Variants in SMAD3 observed in about 807,000 individuals in gnomAD.
SMAD3 encodes MAD homolog 3.
Under a neutral mutation model 51.8 loss-of-function variants are expected in SMAD3, and 12 were observed. The observed-to-expected ratio is 0.23, with a 90% CI of 0.15 to 0.38. The LOEUF is 0.38. SMAD3 is among the 10% of genes least tolerant of loss of function. The probability of loss-of-function intolerance (pLI) is 1.00; values close to 1 mark genes in which losing one functional copy is unlikely to be tolerated. For synonymous variants in SMAD3, 238 were observed against 227.7 expected, an observed-to-expected ratio of 1.05 and a Z score of -0.41; for missense variants, 294 against 565.6, an observed-to-expected ratio of 0.52 and a Z score of 4.87.
At chr15:67,168,617 G>A (rs886949178) in intron 4 of SMAD3, among the ~76,000 whole-genome samples, 1 of 152,210 alleles carries the variant, frequency 6.6e-6, no homozygotes, top group South Asian at 2.1e-4. Context: ...GGAAAGAGCA[G>A]CCCAGATTTC....
chr15:67,138,224 T>A, intron 1 of SMAD3: 1 of 744,714 alleles, frequency 1.3e-6, no homozygotes, highest in Non-Finnish European at 2.3e-6. Context: ...TGGGTGGGGA[T>A]GTGGACTCTT....
Position 67,181,315 on chromosome 15 carries a change from G to A in SMAD3, c.733G>A (p.Gly245Arg), listed in dbSNP as rs863223737. Residue 245 changes from glycine (G) to arginine (R), a missense_variant, in exon 6 of 9, where the codon GGG (glycine) becomes AGG (arginine). Coordinates refer to ENST00000327367, the MANE Select transcript of SMAD3 (RefSeq NM_005902.4). ...ISYYELNQRV[G>R]ETFHASQPSM... is the part of the protein sequence containing the mutation. ...CTACTACGAGCTGAACCAGCGCGTCGGGGAGACATTCCACGCCTCGCAGCC... is the reference window on the plus strand; with the variant it reads ...CTACTACGAGCTGAACCAGCGCGTCAGGGAGACATTCCACGCCTCGCAGCC... 6.2e-7 allele frequency: 1 copy of A among 1,614,046 alleles called. No individual in the cohort carries two copies. The highest frequency in any genetic ancestry group is 8.5e-7 in the Non-Finnish European group (1 of 1,180,040).
intron 1 of SMAD3, among the ~76,000 whole-genome samples, chr15:67,158,999 A>T (rs1413974764): frequency 1.3e-5 from 2 of 152,148 alleles, no homozygotes; most frequent in Non-Finnish European, 2.9e-5. Flanking sequence ...TTTTTAAAAA[A>T]ATTGGATTGT....
rs79827660 is a variant in SMAD3 at position 67,190,771 on chromosome 15, G to A, written c.*235G>A. 1 of 581,716 alleles carries A rather than the reference G, an allele frequency of 1.7e-6. No homozygotes were observed. The highest frequency in any genetic ancestry group is 2.9e-5 in the East Asian group (1 of 34,900). The allele number at this position is 581,716 out of a possible 1,614,324, so 36.0% of individuals were successfully genotyped here. A position where few individuals can be genotyped will look rare whatever the true frequency, so the allele number is the denominator to read the frequency against. On this transcript the variant is annotated 3_prime_UTR_variant, in exon 9 of 9. Coordinates refer to ENST00000327367, the MANE Select transcript of SMAD3 (RefSeq NM_005902.4). ...CCTTTGGCCCCACTTTGAAGGGCAA[G>A]AAATGGCGTCTGCTCTGGTGGCTTA... is the stretch of plus-strand genomic sequence containing the variant.
rs11333560 is a variant in SMAD3 at position 67,169,622 on chromosome 15, A to AT, written c.608-913dup. Among the ~76,000 whole-genome samples the AT allele has an allele frequency of 3.0e-3, 383 of 127,918 alleles. 5 individuals carry two copies. The highest frequency in any genetic ancestry group is 4.8e-3 in the African/African-American group (160 of 33,526). The allele number at this position is 127,918 out of a possible 152,430, so 83.9% of individuals were successfully genotyped here. A position where few individuals can be genotyped will look rare whatever the true frequency, so the allele number is the denominator to read the frequency against. On this transcript the variant is annotated intron_variant, in intron 4 of 8. Coordinates refer to ENST00000327367, the MANE Select transcript of SMAD3 (RefSeq NM_005902.4). ...CCTCAGCCTTCACCACTTACGGCTT[A>AT]TTTTTTTTTTTTTTTTTTTCTGTAG...
At chr15:67,142,712 A>G (rs1013261266) in intron 1 of SMAD3, 2 of 327,858 alleles carry the variant, frequency 6.1e-6, no homozygotes, top group South Asian at 4.5e-5. Flanking sequence ...TGGCATCTTA[A>G]GACATTCAAA....
At chr15:67,180,116 T>C (rs566938504) in intron 5 of SMAD3, among the ~76,000 whole-genome samples, 1 of 152,264 alleles carries the variant, frequency 6.6e-6, no homozygotes, top group African/African-American at 2.4e-5. Context: ...CAGAGTGTCG[T>C]AGGCTAAGGG....
At chr15:67,096,259 T>A (rs1056518437) in intron 1 of SMAD3, among the ~76,000 whole-genome samples, 1 of 152,230 alleles carries the variant, frequency 6.6e-6, no homozygotes, top group Non-Finnish European at 1.5e-5. Context: ...CTTTCAGATC[T>A]TCCTTACTCC....
At chr15:67,094,207 G>GC (rs1451469901) in intron 1 of SMAD3, among the ~76,000 whole-genome samples, 1 of 152,180 alleles carries the variant, frequency 6.6e-6, no homozygotes, top group Non-Finnish European at 1.5e-5. Flanking sequence ...AGAAGATGTG[G>GC]CCATCCACCA....
At chr15:67,080,820 T>C (rs540837844) in intron 1 of SMAD3, among the ~76,000 whole-genome samples, 2 of 152,290 alleles carry the variant, frequency 1.3e-5, no homozygotes, top group South Asian at 2.1e-4. Context: ...GCAGAGAACA[T>C]GTAAGGGCTG....
chr15:67,097,036 C>A (rs761985174), intron 1 of SMAD3, among the ~76,000 whole-genome samples: 6 of 152,094 alleles, frequency 3.9e-5, no homozygotes, highest in Admixed American at 1.3e-4. Flanking sequence ...GAGAGAGAGG[C>A]CCTAGTTTGA....
At chr15:67,168,114 C>G (rs1445548740) in intron 4 of SMAD3, among the ~76,000 whole-genome samples, 2 of 152,196 alleles carry the variant, frequency 1.3e-5, no homozygotes, top group East Asian at 3.8e-4. Flanking sequence ...AGCACCACGC[C>G]CGGCTCATTT....
intron 1 of SMAD3, among the ~76,000 whole-genome samples, chr15:67,079,382 CAGAGACCTT>C (rs1566961041): frequency 1.3e-5 from 2 of 152,212 alleles, no homozygotes; most frequent in Non-Finnish European, 2.9e-5. Flanking sequence ...CAGATTTCCA[CAGAGACCTT>C]AGAGACAATC....
chr15:67,080,616 T>C (rs953841465), intron 1 of SMAD3, among the ~76,000 whole-genome samples: 1 of 152,224 alleles, frequency 6.6e-6, no homozygotes, highest in Admixed American at 6.5e-5. Flanking sequence ...TCAAAGGGAC[T>C]ATTGGCTGGG....
At chr15:67,103,325 TTCACA>T (rs1960803098) in intron 1 of SMAD3, among the ~76,000 whole-genome samples, 1 of 152,194 alleles carries the variant, frequency 6.6e-6, no homozygotes, top group Non-Finnish European at 1.5e-5. Context: ...TGGGACTCAC[TTCACA>T]TCACTCGACA....
intron 1 of SMAD3, among the ~76,000 whole-genome samples, chr15:67,113,757 T>C (rs1241464982): frequency 1.3e-5 from 2 of 152,212 alleles, no homozygotes; most frequent in African/African-American, 4.8e-5. Context: ...CCATAGATCC[T>C]AGGAACCTGA....
chr15:67,103,433 C>T (rs1228463782), intron 1 of SMAD3, among the ~76,000 whole-genome samples: 1 of 152,186 alleles, frequency 6.6e-6, no homozygotes, highest in Non-Finnish European at 1.5e-5. Context: ...AACAGCAGAA[C>T]ACGATGCAAA....
intron 1 of SMAD3, among the ~76,000 whole-genome samples, chr15:67,085,468 T>G (rs1439355137): frequency 6.6e-6 from 1 of 152,242 alleles, no homozygotes; most frequent in Non-Finnish European, 1.5e-5. Flanking sequence ...ATTACTCATT[T>G]GAATAGTTTC....
chr15:67,133,418 A>AT (rs1961578651), intron 1 of SMAD3, among the ~76,000 whole-genome samples: 1 of 150,814 alleles, frequency 6.6e-6, no homozygotes, highest in African/African-American at 2.4e-5. Flanking sequence ...CTTAATTGGG[A>AT]TTTTAAATGC....
Sources: gnomAD v4.1 joint callset for allele counts (sites outside exome capture counted in the v4.1 genomes callset) on GRCh38, gnomAD v4.1.1 for gene constraint, MANE v1.5 for transcripts, NCBI Gene and HGNC (gene_info 2026-07-23, HGNC 2026-07-21) for gene names.